The following NR6A1 variants were observed in gnomAD, a reference collection of about 807,000 sequenced individuals.
NR6A1 encodes the protein nuclear receptor subfamily 6 group A member 1.
In NR6A1, 7 loss-of-function variants were observed where a neutral mutation model predicts 59.1. The ratio of observed to expected loss-of-function variants is 0.12; its 90% CI spans 0.07 to 0.22. NR6A1 has a LOEUF of 0.22. Among genes scored for constraint, NR6A1 ranks in the 10% least tolerant of loss-of-function variants. NR6A1 has a pLI of 1.00. For missense variants in NR6A1, 468 were observed against 611.6 expected (o/e 0.77, Z 2.48); for synonymous variants, 243 against 236.1 (o/e 1.03, Z -0.27).
At chr9:124,523,295 C>T (rs1022306406) in intron 9 of NR6A1, among the ~76,000 whole-genome samples, 1 of 152,124 alleles carries the variant, frequency 6.6e-6, no homozygotes, top group Non-Finnish European at 1.5e-5. Context: ...GAGGCAAATA[C>T]ATTTGAGAAA....
chr9:124,752,106 T>C (rs1300067808), intron 1 of NR6A1, among the ~76,000 whole-genome samples: 2 of 152,080 alleles, frequency 1.3e-5, no homozygotes, highest in African/African-American at 4.8e-5. Context: ...CTGTCTCTAC[T>C]AAAAATACAA....
At chr9:124,685,152 T>C (rs927499765) in intron 2 of NR6A1, among the ~76,000 whole-genome samples, 1 of 152,218 alleles carries the variant, frequency 6.6e-6, no homozygotes, top group African/African-American at 2.4e-5. Context: ...TTAAGATATT[T>C]AGCCTAAATA....
At chr9:124,547,472 T>G (rs1008626902) in intron 3 of NR6A1, among the ~76,000 whole-genome samples, 3 of 152,224 alleles carry the variant, frequency 2.0e-5, no homozygotes, top group Admixed American at 6.5e-5. Flanking sequence ...AACATGCTAT[T>G]CTGTTTTACA....
chr9:124,711,869 C>T (rs1230631648), intron 2 of NR6A1, among the ~76,000 whole-genome samples: 2 of 152,168 alleles, frequency 1.3e-5, no homozygotes, highest in Non-Finnish European at 2.9e-5. Context: ...TCAAAAAATC[C>T]TCTTGCCTCA....
rs1434295157 is a variant in NR6A1 at position 124,536,049 on chromosome 9, T to C, written c.908A>G (p.Lys303Arg). The part of the protein sequence containing the change: ...ELLFRQIAWI[K>R]KLPFFCELSI... ...GAGCTCGCAGAAGAAAGGCAGTTTC[T>C]TGATCCAGGCAATCTGCCTAAAGAG... The change falls in exon 7 of 10, where the codon AAG (lysine) becomes AGG (arginine). Residue 303 changes from lysine (K) to arginine (R), a missense_variant. Physicochemically the swap from Lys to Arg is conservative, Grantham distance 26. Transcript: ENST00000487099. 1 of 1,614,204 alleles carries C rather than the reference T, an allele frequency of 6.2e-7. No individual in the cohort carries two copies. Among genetic ancestry groups the C allele is most frequent in the Non-Finnish European group, 8.5e-7 (1 of 1,180,036 alleles).
chr9:124,666,208 A>C (rs1025390486), intron 2 of NR6A1, among the ~76,000 whole-genome samples: 1 of 151,992 alleles, frequency 6.6e-6, no homozygotes, highest in South Asian at 2.1e-4. Context: ...ACCAAAAAAA[A>C]AGAAGACCCC....
chr9:124,529,841 G>A (rs913890075), intron 7 of NR6A1, among the ~76,000 whole-genome samples: 6 of 151,932 alleles, frequency 3.9e-5, no homozygotes, highest in Non-Finnish European at 5.9e-5. Flanking sequence ...CACTGTGTTG[G>A]ATATTTATGT....
chr9:124,545,129 G>C (rs570945298), intron 3 of NR6A1, among the ~76,000 whole-genome samples: 1 of 152,190 alleles, frequency 6.6e-6, no homozygotes, highest in Admixed American at 6.5e-5. Flanking sequence ...TCAGAATTAA[G>C]TAAGTTAGGG....
At chr9:124,679,606 A>T (rs1340637481) in intron 2 of NR6A1, among the ~76,000 whole-genome samples, 2 of 152,138 alleles carry the variant, frequency 1.3e-5, no homozygotes, top group Non-Finnish European at 2.9e-5. Flanking sequence ...GAGTTTGAAA[A>T]AAGGCTGGGC....
chr9:124,561,252 C>G (rs1301762285), intron 2 of NR6A1, among the ~76,000 whole-genome samples: 1 of 151,908 alleles, frequency 6.6e-6, no homozygotes, highest in East Asian at 1.9e-4. Context: ...CCTGGGCAAC[C>G]TGGCAAAACC....
intron 2 of NR6A1, among the ~76,000 whole-genome samples, chr9:124,628,165 C>T (rs551954849): frequency 6.6e-6 from 1 of 152,126 alleles, no homozygotes; most frequent in Admixed American, 6.5e-5. Context: ...GTAGCTGGGA[C>T]TACAGGCGCA....
At chr9:124,722,997 CT>C (rs1206587168) in intron 2 of NR6A1, among the ~76,000 whole-genome samples, 3 of 152,122 alleles carry the variant, frequency 2.0e-5, no homozygotes, top group African/African-American at 7.2e-5. Flanking sequence ...CAGCACTTAA[CT>C]TTCAAGTCTC....
chr9:124,678,775 T>G (rs1838037065), intron 2 of NR6A1, among the ~76,000 whole-genome samples: 1 of 152,206 alleles, frequency 6.6e-6, no homozygotes, highest in Admixed American at 6.5e-5. Flanking sequence ...TTTGGATAAA[T>G]TCTTTTAATC....
chr9:124,565,698 G>A (rs1359833850), intron 2 of NR6A1, among the ~76,000 whole-genome samples: 1 of 152,164 alleles, frequency 6.6e-6, no homozygotes, highest in Non-Finnish European at 1.5e-5. Context: ...AGGAGGTTAA[G>A]CCACATAATC....
intron 1 of NR6A1, among the ~76,000 whole-genome samples, chr9:124,742,115 T>C (rs950035185): frequency 6.6e-6 from 1 of 152,222 alleles, no homozygotes; most frequent in Non-Finnish European, 1.5e-5. Context: ...TCAACTGTCA[T>C]ACATGAAGAG....
At position 124,642,793 on chromosome 9, in the gene NR6A1, G is replaced by A. The variant is rs1480768667; in HGVS notation, c.143-88223C>T. ...GTAGAGTGAGATGACCAAATTGGCT[G>A]GTTAGATGTGGAAGCCATGAGAGAG... On this transcript the variant is annotated intron_variant, in intron 2 of 9. Transcript: ENST00000487099. Among the ~76,000 whole-genome samples the A allele has an allele frequency of 2.0e-5, 3 of 152,204 alleles. No homozygotes were observed. In the East Asian group the frequency reaches 5.8e-4, roughly 29 times the overall value.
chr9:124,557,923 TAC>T (rs1833976080), intron 2 of NR6A1, among the ~76,000 whole-genome samples: 3 of 152,364 alleles, frequency 2.0e-5, no homozygotes, highest in African/African-American at 7.2e-5. Context: ...TCTTCACTGA[TAC>T]GATTTCACTG....
rs1380135416 is a variant in NR6A1, at chr9:124,694,481, T to C, written c.142+38827A>G. 3.9e-5 allele frequency among the ~76,000 whole-genome samples: 6 copies of C among 152,346 alleles called. No homozygotes were observed. In the East Asian group the frequency reaches 9.6e-4, roughly 24 times the overall value. On this transcript the variant is annotated intron_variant, in intron 2 of 9. Coordinates refer to ENST00000487099, the MANE Select transcript of NR6A1 (RefSeq NM_033334.4). The stretch of plus-strand genomic sequence containing the variant: ...TTCAGATGTACATCAATATTCTCTT[T>C]TGACAAAAACTATGAGGCTCATTCA...
chr9:124,622,249 C>T (rs1295534708), intron 2 of NR6A1, among the ~76,000 whole-genome samples: 1 of 152,172 alleles, frequency 6.6e-6, no homozygotes, highest in South Asian at 2.1e-4. Context: ...TTTTCCCACG[C>T]TCTTCTCCAG....
Sources: gnomAD v4.1 joint callset for allele counts (sites outside exome capture counted in the v4.1 genomes callset) on GRCh38, gnomAD v4.1.1 for gene constraint, MANE v1.5 for transcripts, NCBI Gene and HGNC (gene_info 2026-07-23, HGNC 2026-07-21) for gene names.